The following ARMC2 variants were observed in gnomAD, a reference collection of about 807,000 sequenced individuals.
ARMC2 encodes armadillo repeat containing 2.
Under a neutral mutation model 90.3 loss-of-function variants are expected in ARMC2, and 67 were observed. The ratio of observed to expected loss-of-function variants is 0.74; its 90% confidence interval spans 0.61 to 0.91. The LOEUF is 0.91. Ranked by LOEUF, ARMC2 falls within the 40% of genes least tolerant of loss-of-function variation. The probability of loss-of-function intolerance (pLI) is 0.00; values close to 1 mark genes in which losing one functional copy is unlikely to be tolerated. For synonymous variants in ARMC2, 393 were observed against 393.0 expected, an observed-to-expected ratio of 1.00 and a Z score of 0.00; for missense variants, 920 against 1,030.9, an observed-to-expected ratio of 0.89 and a Z score of 1.47.
chr6:109,036,208 G>T, the ARMC2 span, among the ~76,000 whole-genome samples: 1 of 152,134 alleles, frequency 6.6e-6, no homozygotes, highest in Non-Finnish European at 1.5e-5. Flanking sequence ...TTTTTTCATA[G>T]AAACATTGCT....
intron 13 of ARMC2, among the ~76,000 whole-genome samples, chr6:108,956,023 T>C (rs1330677656): frequency 6.6e-6 from 1 of 152,242 alleles, no homozygotes; most frequent in African/African-American, 2.4e-5. Flanking sequence ...GTGAGCCTTT[T>C]GCCCATTAAG....
intron 8 of ARMC2, among the ~76,000 whole-genome samples, chr6:108,908,956 G>A (rs1337061438): frequency 1.3e-5 from 2 of 152,206 alleles, no homozygotes; most frequent in Non-Finnish European, 2.9e-5. Flanking sequence ...TGTAATCCCA[G>A]CTACTTGGGA....
intron 10 of ARMC2, among the ~76,000 whole-genome samples, 176 bp downstream of exon 10, chr6:108,912,734 G>A (rs1428355440): frequency 2.0e-5 from 3 of 152,180 alleles, no homozygotes; most frequent in Non-Finnish European, 2.9e-5. Flanking sequence ...CTGTTGTCCT[G>A]GACAGGCTAT....
chr6:108,930,814 C>G (rs1341425545), intron 11 of ARMC2, among the ~76,000 whole-genome samples: 1 of 151,518 alleles, frequency 6.6e-6, no homozygotes, highest in African/African-American at 2.4e-5. Flanking sequence ...CCAGGATGGT[C>G]TCGATATCCT....
chr6:109,032,283 C>CA, the ARMC2 span, among the ~76,000 whole-genome samples: 20 of 151,676 alleles, frequency 1.3e-4, no homozygotes, highest in Admixed American at 7.2e-4. Flanking sequence ...AAAAAAGTCT[C>CA]AGAGTTTGGA....
At chr6:109,020,876 T>C in the ARMC2 span, among the ~76,000 whole-genome samples, 1 of 152,206 alleles carries the variant, frequency 6.6e-6, no homozygotes, top group African/African-American at 2.4e-5. Flanking sequence ...ACAACACTTC[T>C]TTTCTCTTCA....
chr6:108,954,215 T>G (rs950814662), intron 13 of ARMC2, among the ~76,000 whole-genome samples: 5 of 152,202 alleles, frequency 3.3e-5, no homozygotes, highest in Non-Finnish European at 7.3e-5. Flanking sequence ...ATGAATTTTG[T>G]TGGGCACACA....
intron 10 of ARMC2, among the ~76,000 whole-genome samples, chr6:108,925,150 C>A (rs776051587): frequency 1.6e-4 from 25 of 152,132 alleles, no homozygotes; most frequent in Admixed American, 3.9e-4. Flanking sequence ...ACTGATCGGC[C>A]TCTGAAAGGT....
intron 17 of ARMC2, among the ~76,000 whole-genome samples, chr6:108,970,195 T>C (rs550574690): frequency 6.6e-6 from 1 of 152,334 alleles, no homozygotes; most frequent in Non-Finnish European, 1.5e-5. Context: ...TTCTCTTACC[T>C]GTAGCTGTTT....
In ARMC2 at chr6:108,876,277, G is replaced by T. The variant is rs1314922232; in HGVS notation, c.598G>T (p.Gly200Cys). Reference sequence around the variant, plus strand: ...CCCACTTCAGCTAACTGATGATGGAGGCTTCAGTGAAATAAAGGAGCAAGA... The same window carrying T: ...CCCACTTCAGCTAACTGATGATGGATGCTTCAGTGAAATAAAGGAGCAAGA... ...SHPLQLTDDGGFSEIKEQEMF... is the reference protein window; with the variant it reads ...SHPLQLTDDGCFSEIKEQEMF... Residue 200 changes from glycine (G) to cysteine (C), a missense_variant, in exon 5 of 18, where the codon GGC becomes TGC. By Grantham distance (159) the Gly-to-Cys change is radical. Transcript: ENST00000392644. The T allele has an allele frequency of 6.2e-7, 1 of 1,612,774 alleles. No homozygotes were observed. Among genetic ancestry groups the T allele is most frequent in the East Asian group, 2.2e-5 (1 of 44,812 alleles).
chr6:108,941,738 G>A (rs62427205), intron 12 of ARMC2, among the ~76,000 whole-genome samples: 41,183 of 152,000 alleles, frequency 0.27, 6,915 homozygotes, highest in East Asian at 0.37. Flanking sequence ...AAAGTTTACC[G>A]TGGTATCGGC....
chr6:108,876,179 TGG>T lies in ARMC2; in HGVS notation c.504_505del (p.Asp169LeufsTer28). On this transcript the variant is annotated frameshift_variant, in exon 5 of 18. Transcript: ENST00000392644. LOFTEE classifies it high-confidence loss of function. The stretch of plus-strand genomic sequence containing the variant: ...GTGGAATCCAAAGAAACAGTTATGA[TGG>T]GGGACTCTATGGTGAAAATAAATGG... 6.2e-7 allele frequency: 1 copy of T among 1,612,262 alleles called. No homozygotes were observed. The highest frequency in any genetic ancestry group is 8.5e-7 in the Non-Finnish European group (1 of 1,179,398).
In ARMC2 at chr6:108,864,708, G is replaced by A. The variant is rs115818036; in HGVS notation, c.292-4116G>A. Among the ~76,000 whole-genome samples the A allele has an allele frequency of 1.9e-3, 291 of 152,264 alleles. 1 individual carries two copies. The highest frequency in any genetic ancestry group is 6.4e-3 in the African/African-American group (268 of 41,554). ...CCTTTTCCAGTTGTCACATAGGATCGGGGGAGACCCTGTTGGGTGATCTGG... is the reference window on the plus strand; with the variant it reads ...CCTTTTCCAGTTGTCACATAGGATCAGGGGAGACCCTGTTGGGTGATCTGG... On this transcript the variant is annotated intron_variant, in intron 3 of 17. Coordinates refer to ENST00000392644, the MANE Select transcript of ARMC2 (RefSeq NM_032131.6).
At chr6:108,875,788 A>T (rs958994259) in intron 4 of ARMC2, among the ~76,000 whole-genome samples, 1 of 152,140 alleles carries the variant, frequency 6.6e-6, no homozygotes, top group Non-Finnish European at 1.5e-5. Context: ...ATATTTTTTG[A>T]ATGAAAAATT....
intron 12 of ARMC2, among the ~76,000 whole-genome samples, chr6:108,948,248 C>T (rs1776944127): frequency 6.6e-6 from 1 of 152,044 alleles, no homozygotes; most frequent in Admixed American, 6.6e-5. Flanking sequence ...AGAGGCCACC[C>T]ATGGTGAGGA....
chr6:109,041,133 T>C, the ARMC2 span, among the ~76,000 whole-genome samples: 4 of 146,728 alleles, frequency 2.7e-5, no homozygotes, highest in East Asian at 8.0e-4. Flanking sequence ...GGACCCTGTT[T>C]CTATTAAAAA....
At chr6:108,876,783 A>T (rs1046285588) in intron 5 of ARMC2, among the ~76,000 whole-genome samples, 2 of 152,202 alleles carry the variant, frequency 1.3e-5, no homozygotes, top group African/African-American at 4.8e-5. Flanking sequence ...TGGATTAAAT[A>T]TTTATTTTGC....
At chr6:108,953,412 A>G in intron 13 of ARMC2, 61 bp downstream of exon 13, 1 of 1,487,638 alleles carries the variant, frequency 6.7e-7, no homozygotes, top group Non-Finnish European at 9.0e-7. Flanking sequence ...GCCCAAAGAC[A>G]GTTCTGTGTC....
chr6:108,888,080 T>C (rs1770543749), intron 5 of ARMC2, among the ~76,000 whole-genome samples: 1 of 152,208 alleles, frequency 6.6e-6, no homozygotes, highest in Admixed American at 6.5e-5. Context: ...CCTCAAGCCA[T>C]ACTACCTTTG....
Sources: gnomAD v4.1 joint callset for allele counts (sites outside exome capture counted in the v4.1 genomes callset) on GRCh38, gnomAD v4.1.1 for gene constraint, MANE v1.5 for transcripts, NCBI Gene and HGNC (gene_info 2026-07-23, HGNC 2026-07-21) for gene names.